Variants in NEDD8 observed in about 807,000 individuals in gnomAD.
NEDD8 encodes the protein ubiquitin-like protein NEDD8.
NEDD8 carries 1 observed loss-of-function variant against 13.8 expected under a neutral mutation model. The ratio of observed to expected loss-of-function variants is 0.07; its 90% confidence interval spans 0.03 to 0.34. The LOEUF (loss-of-function observed/expected upper bound fraction) is 0.34. Ranked by LOEUF, NEDD8 falls within the 10% of genes least tolerant of loss-of-function variation. The pLI is 0.99. For missense variants in NEDD8, 10 were observed against 95.2 expected (o/e 0.10, Z 3.73); for synonymous variants, 31 against 33.2 (o/e 0.93, Z 0.23).
At chr14:24,228,809 T>C (rs1196833342) in intron 1 of NEDD8, 1 of 150,990 alleles carries the variant, frequency 6.6e-6, no homozygotes, top group Non-Finnish European at 1.5e-5. Flanking sequence ...TTTAAATTAA[T>C]ATTTTCTTCA....
chr14:24,230,264 G>A (rs1311968532), intron 1 of NEDD8, among the ~76,000 whole-genome samples: 1 of 144,050 alleles, frequency 6.9e-6, no homozygotes, highest in East Asian at 2.1e-4. Flanking sequence ...ACGGGGGAGG[G>A]TGGCTCACAC....
At chr14:24,229,228 T>C (rs1211408787) in intron 1 of NEDD8, among the ~76,000 whole-genome samples, 1 of 152,194 alleles carries the variant, frequency 6.6e-6, no homozygotes, top group African/African-American at 2.4e-5. Flanking sequence ...TTATTTTATT[T>C]ATTTATTTTT....
Position 24,223,997 on chromosome 14 carries a change from G to A in NEDD8, c.19-5566C>T, listed in dbSNP as rs1229055308. Among the ~76,000 whole-genome samples the A allele has an allele frequency of 3.9e-5, 6 of 152,080 alleles. No individual in the cohort carries two copies. The East Asian group carries it at 5.8e-4, about 15-fold the overall frequency. On this transcript the variant is annotated intron_variant, in intron 1 of 3. Coordinates refer to ENST00000250495, the MANE Select transcript of NEDD8 (RefSeq NM_006156.3). ...GGCTGGAGTGCAGTAGCACGATCTC[G>A]GCTCACTGCAAGCTCCACCTCCCGG...
At chr14:24,232,158 G>A (rs984488065) in intron 1 of NEDD8, 92 bp downstream of exon 1, 4 of 1,599,222 alleles carry the variant, frequency 2.5e-6, no homozygotes, top group Non-Finnish European at 3.4e-6. Flanking sequence ...CCAGGCTAGG[G>A]AAAGGCGTGG....
chr14:24,231,297 C>T (rs1460928258), intron 1 of NEDD8, among the ~76,000 whole-genome samples: 1 of 152,154 alleles, frequency 6.6e-6, no homozygotes, highest in African/African-American at 2.4e-5. Flanking sequence ...CTTTAACATA[C>T]TATTTTAATA....
intron 1 of NEDD8, chr14:24,231,585 G>A (rs2040025263): frequency 6.6e-6 from 1 of 152,240 alleles, no homozygotes; most frequent in East Asian, 1.9e-4. Context: ...GAACCACCAC[G>A]GGAGTTGAGA....
chr14:24,226,987 A>G (rs1273826014), intron 1 of NEDD8: 1 of 152,244 alleles, frequency 6.6e-6, no homozygotes, highest in East Asian at 1.9e-4. Context: ...AATTCATCCA[A>G]TGGAATACTA....
chr14:24,220,239 GCAGT>G (rs2039783576), intron 1 of NEDD8, among the ~76,000 whole-genome samples: 1 of 152,222 alleles, frequency 6.6e-6, no homozygotes, highest in Non-Finnish European at 1.5e-5. Context: ...TGACACACAA[GCAGT>G]CAATGAATAT....
At chr14:24,218,484 T>G (rs2039745956) in intron 1 of NEDD8, 53 bp from the exon 2 acceptor site, 1 of 1,613,830 alleles carries the variant, frequency 6.2e-7, no homozygotes, top group African/African-American at 1.3e-5. Context: ...ACAATTTGTC[T>G]TCTAGGTAAA....
intron 1 of NEDD8, among the ~76,000 whole-genome samples, chr14:24,226,424 T>A (rs1208930534): frequency 7.1e-6 from 1 of 140,782 alleles, no homozygotes; most frequent in Non-Finnish European, 1.5e-5. Flanking sequence ...CCAGCCTGGG[T>A]GACAGAGGGA....
intron 1 of NEDD8, among the ~76,000 whole-genome samples, chr14:24,223,601 C>A (rs1357858246): frequency 6.6e-6 from 1 of 151,698 alleles, no homozygotes; most frequent in African/African-American, 2.4e-5. Context: ...CAGCCTGGAA[C>A]ACAGTGGAGT....
intron 1 of NEDD8, among the ~76,000 whole-genome samples, chr14:24,228,887 AAGAGGGGATGGGGCG>A (rs1276821863): frequency 6.6e-6 from 1 of 151,372 alleles, no homozygotes; most frequent in Non-Finnish European, 1.5e-5. Context: ...TGCAACAAAC[AAGAGGGGATGGGGCG>A]AGAGGGGGAG....
intron 1 of NEDD8, chr14:24,228,277 CAGCT>C (rs1340884949): frequency 6.6e-6 from 1 of 152,032 alleles, no homozygotes; most frequent in Non-Finnish European, 1.5e-5. Context: ...CTTGTAGTCC[CAGCT>C]ACTTGGGAGG....
intron 3 of NEDD8, among the ~76,000 whole-genome samples, chr14:24,217,470 A>G (rs2039727642): frequency 6.6e-6 from 1 of 152,026 alleles, no homozygotes; most frequent in South Asian, 2.1e-4. Context: ...TTGTATTTTT[A>G]GTAAAGATGG....
At chr14:24,219,475 C>CAAAAAAAAAAAAAAAA (rs59964484) in intron 1 of NEDD8, among the ~76,000 whole-genome samples, 2 of 33,368 alleles carry the variant, frequency 6.0e-5, no homozygotes, top group East Asian at 8.4e-4. Flanking sequence ...AACACCCTCG[C>CAAAAAAAAAAAAAAAA]AAAAAAAAAA....
In NEDD8 at chr14:24,217,021, C is replaced by G. The variant is rs2039714132; in HGVS notation, c.*106G>C. On this transcript the variant is annotated 3_prime_UTR_variant, in exon 4 of 4. Coordinates refer to ENST00000250495, the MANE Select transcript of NEDD8 (RefSeq NM_006156.3). The stretch of plus-strand genomic sequence containing the variant: ...GTCTCCCACCAGTAGACATACATTA[C>G]TGGGCATCCAGGGGAGGGGGCAGTG... 2 of 867,864 alleles carry G rather than the reference C, an allele frequency of 2.3e-6. No individual in the cohort carries two copies. The highest frequency in any genetic ancestry group is 3.4e-5 in the African/African-American group (2 of 58,790). 53.8% of individuals were successfully genotyped at this position (867,864 alleles called of 1,614,324 possible).
intron 1 of NEDD8, 152 bp downstream of exon 1, chr14:24,232,098 C>T (rs2040049730): frequency 2.4e-6 from 3 of 1,247,010 alleles, no homozygotes; most frequent in African/African-American, 1.5e-5. Context: ...TTCTGGGTCC[C>T]CCTATTTCCC....
intron 1 of NEDD8, among the ~76,000 whole-genome samples, chr14:24,219,301 AAACAACAAC>A (rs147656745): frequency 4.7e-5 from 7 of 148,692 alleles, no homozygotes; most frequent in Non-Finnish European, 7.4e-5. Context: ...GTCTCAACCA[AAACAACAAC>A]AACAACAACA....
intron 1 of NEDD8, among the ~76,000 whole-genome samples, chr14:24,219,250 C>T (rs555556519): frequency 6.6e-6 from 1 of 151,644 alleles, no homozygotes; most frequent in East Asian, 1.9e-4. Context: ...TCACTTGAGC[C>T]TAGGAGTTCC....
Sources: gnomAD v4.1 joint callset for allele counts (sites outside exome capture counted in the v4.1 genomes callset) on GRCh38, gnomAD v4.1.1 for gene constraint, MANE v1.5 for transcripts, NCBI Gene and HGNC (gene_info 2026-07-23, HGNC 2026-07-21) for gene names.